SCN10A: variants seen among roughly 807,000 people sequenced by gnomAD.
The protein encoded by SCN10A is sodium channel protein type 10 subunit alpha.
Under a neutral mutation model 170.7 loss-of-function variants are expected in SCN10A, and 162 were observed. The ratio of observed to expected loss-of-function variants is 0.95; its 90% CI spans 0.84 to 1.08. The LOEUF is 1.08. SCN10A is among the 50% of genes least tolerant of loss of function. The pLI is 0.00. For missense variants in SCN10A, 2,527 were observed against 2,436.9 expected (o/e 1.04, Z -0.78); for synonymous variants, 985 against 904.6 (o/e 1.09, Z -1.59).
chr3:38,741,320 A>G (rs1043451931), intron 14 of SCN10A, among the ~76,000 whole-genome samples: 2 of 148,704 alleles, frequency 1.3e-5, no homozygotes, highest in African/African-American at 5.1e-5. Flanking sequence ...ACACACACAC[A>G]CACGCAAGTC....
At chr3:38,736,972 T>TTTTTTG (rs1553618244) in intron 15 of SCN10A, among the ~76,000 whole-genome samples, 2 of 96,134 alleles carry the variant, frequency 2.1e-5, no homozygotes, top group African/African-American at 9.4e-5. Flanking sequence ...CGTTTTTTTT[T>TTTTTTG]TTTTTTTTTT....
chr3:38,712,047 A>T, intron 23 of SCN10A, 114 bp downstream of exon 23: 1 of 1,002,702 alleles, frequency 1.0e-6, no homozygotes, highest in Non-Finnish European at 1.5e-6. Flanking sequence ...ACCTCAGTTC[A>T]CACTGAGTGC....
intron 1 of SCN10A, among the ~76,000 whole-genome samples, chr3:38,808,465 G>A (rs958320236): frequency 4.6e-5 from 7 of 152,214 alleles, no homozygotes; most frequent in East Asian, 1.9e-4. Flanking sequence ...ATGTTAGAAA[G>A]TAAGCTTCCT....
intron 20 of SCN10A, 123 bp downstream of exon 20, chr3:38,722,135 T>G: frequency 1.1e-6 from 1 of 935,936 alleles, no homozygotes; most frequent in Non-Finnish European, 1.6e-6. Context: ...CTCCTTCTAG[T>G]GACAAGGTTG....
chr3:38,728,798 G>A lies in SCN10A; in HGVS notation c.2384C>T (p.Ala795Val), dbSNP rs781527310. 1 of 1,614,000 alleles carries A rather than the reference G, an allele frequency of 6.2e-7. No individual in the cohort carries two copies. Among genetic ancestry groups the A allele is most frequent in the African/African-American group, 1.3e-5 (1 of 74,900 alleles). Residue 795 changes from alanine to valine, a missense_variant, in exon 16 of 28, where the codon GCC becomes GTC. Ala to Val is a moderately conservative substitution (Grantham distance 64). Coordinates refer to ENST00000449082, the MANE Select transcript of SCN10A (RefSeq NM_006514.4). ...CAGAGCAAAGACAAAGACAATGATG[G>A]CCAGGATGATGGTGAGGTTCCCCAG... ...GALGNLTIILAIIVFVFALVG... is the reference protein window; with the variant it reads ...GALGNLTIILVIIVFVFALVG...
intron 1 of SCN10A, among the ~76,000 whole-genome samples, chr3:38,805,146 AG>A (rs1444278571): frequency 6.6e-6 from 1 of 152,166 alleles, no homozygotes; most frequent in African/African-American, 2.4e-5. Context: ...GAACTGTTTC[AG>A]GTTCATTATC....
chr3:38,761,363 C>T lies in SCN10A; in HGVS notation c.712G>A (p.Ala238Thr). 2 of 1,613,360 alleles carry T rather than the reference C, an allele frequency of 1.2e-6. No homozygotes were observed. Among genetic ancestry groups the T allele is most frequent in the South Asian group, 1.1e-5 (1 of 90,876 alleles). ...VIPGLKVIVG[A>T]LIHSVKKLAD... ...AGTTTCTTCACTGAGTGAATCAGGGCCCCCACAATGACCTTCAGGCCTGCG... is the reference window on the plus strand; with the variant it reads ...AGTTTCTTCACTGAGTGAATCAGGGTCCCCACAATGACCTTCAGGCCTGCG... Residue 238 changes from alanine (A) to threonine (T), a missense_variant, in exon 7 of 28, where the codon GCC becomes ACC. Coordinates refer to ENST00000449082, the MANE Select transcript of SCN10A (RefSeq NM_006514.4).
At chr3:38,792,536 G>T (rs996056121) in intron 2 of SCN10A, among the ~76,000 whole-genome samples, 17 of 152,178 alleles carry the variant, frequency 1.1e-4, no homozygotes, top group Non-Finnish European at 2.5e-4. Context: ...TCTGACAAGA[G>T]AACCATCCTT....
chr3:38,741,481 G>A (rs2063631590), intron 14 of SCN10A, among the ~76,000 whole-genome samples: 2 of 152,150 alleles, frequency 1.3e-5, no homozygotes, highest in South Asian at 4.1e-4. Context: ...TCTGGGAAAG[G>A]GAATAACAAG....
chr3:38,744,233 G>T (rs28448349), intron 13 of SCN10A, among the ~76,000 whole-genome samples: 2,395 of 152,230 alleles, frequency 0.016, 56 homozygotes, highest in African/African-American at 0.053. Context: ...TGGGAGGGGG[G>T]TGCACCAGGA....
intron 1 of SCN10A, among the ~76,000 whole-genome samples, chr3:38,809,470 C>T (rs1292793625): frequency 2.0e-5 from 3 of 152,208 alleles, no homozygotes; most frequent in Non-Finnish European, 4.4e-5. Flanking sequence ...ACAGCTCTTT[C>T]TCATTCTGTT....
chr3:38,809,337 C>T (rs1278981996), intron 1 of SCN10A, among the ~76,000 whole-genome samples: 1 of 152,206 alleles, frequency 6.6e-6, no homozygotes, highest in Non-Finnish European at 1.5e-5. Flanking sequence ...TCTGTGTGTT[C>T]TTGACTTCAA....
chr3:38,732,437 C>T (rs899511660), intron 15 of SCN10A, among the ~76,000 whole-genome samples: 1 of 152,186 alleles, frequency 6.6e-6, no homozygotes, highest in Admixed American at 6.5e-5. Context: ...GGAGAGCTTC[C>T]CAACAAGCAC....
chr3:38,803,243 A>G (rs978369872), intron 1 of SCN10A, among the ~76,000 whole-genome samples: 2 of 152,188 alleles, frequency 1.3e-5, no homozygotes, highest in Non-Finnish European at 2.9e-5. Flanking sequence ...ACAGTGTGGC[A>G]ATTCCTCAAG....
chr3:38,755,411 C>T (rs2063792757), intron 11 of SCN10A, among the ~76,000 whole-genome samples: 2 of 151,846 alleles, frequency 1.3e-5, no homozygotes, highest in Admixed American at 1.3e-4. Flanking sequence ...TTAAGATTGG[C>T]ATGTTCAGTA....
intron 3 of SCN10A, among the ~76,000 whole-genome samples, chr3:38,791,411 C>T (rs1385906781): frequency 2.0e-5 from 3 of 152,180 alleles, no homozygotes; most frequent in Non-Finnish European, 4.4e-5. Context: ...ACCAATGTGT[C>T]TCTAATCATT....
In SCN10A at chr3:38,791,199, G is replaced by A. The variant is rs537121501; in HGVS notation, c.389+851C>T. Among the ~76,000 whole-genome samples, 6 of 152,212 alleles carry A rather than the reference G, an allele frequency of 3.9e-5. No homozygotes were observed. The South Asian group carries it at 1.2e-3, about 32-fold the overall frequency. On this transcript the variant is annotated intron_variant, in intron 3 of 27. Transcript: ENST00000449082. ...TGTACATCAACCTCCTGCAAGCCAG[G>A]GCTAAATTTGTCATAAAGAACTTCC...
intron 20 of SCN10A, among the ~76,000 whole-genome samples, chr3:38,720,937 C>G (rs1333667978): frequency 1.3e-5 from 2 of 152,198 alleles, no homozygotes; most frequent in African/African-American, 4.8e-5. Flanking sequence ...CTACACTGTG[C>G]TGAGGTCCGT....
At chr3:38,725,401 T>A in intron 17 of SCN10A, 87 bp from the exon 18 acceptor site, 1 of 1,344,384 alleles carries the variant, frequency 7.4e-7, no homozygotes, top group Non-Finnish European at 1.0e-6. Context: ...CATCACAGGC[T>A]GCCAGAGCCA....
Sources: gnomAD v4.1 joint callset for allele counts (sites outside exome capture counted in the v4.1 genomes callset) on GRCh38, gnomAD v4.1.1 for gene constraint, MANE v1.5 for transcripts, NCBI Gene and HGNC (gene_info 2026-07-23, HGNC 2026-07-21) for gene names.